Variants in NPIPA5 observed in about 807,000 individuals in gnomAD.
NPIPA5 encodes nuclear pore complex-interacting protein family member A5.
Under a neutral mutation model 21.4 loss-of-function variants are expected in NPIPA5, and 6 were observed. The observed-to-expected ratio is 0.28, with a 90% confidence interval of 0.15 to 0.55. NPIPA5 has a LOEUF of 0.55. NPIPA5 is among the 20% of genes least tolerant of loss of function. The pLI, the probability that NPIPA5 is intolerant of heterozygous loss-of-function variation, is 0.93. For synonymous variants in NPIPA5, 33 were observed against 115.3 expected (o/e 0.29, Z 4.57); for missense variants, 99 against 318.2 (o/e 0.31, Z 5.24).
chr16:15,380,491 T>A (rs2050413389), upstream of NPIPA5, among the ~76,000 whole-genome samples: 1 of 151,826 alleles, frequency 6.6e-6, no homozygotes, highest in African/African-American at 2.4e-5. Context: ...CCCGGCTAAT[T>A]TTTGTATTTT....
chr16:15,380,075 A>G (rs2050401855), upstream of NPIPA5, among the ~76,000 whole-genome samples: 2 of 151,776 alleles, frequency 1.3e-5, no homozygotes, highest in Non-Finnish European at 2.9e-5. Flanking sequence ...AGACAAGATA[A>G]TGTTCAACTT....
chr16:15,370,422 TCACA>T lies in NPIPA5; in HGVS notation c.193-307_193-304del, dbSNP rs576379543. Among the ~76,000 whole-genome samples, 329 of 118,442 alleles carry T rather than the reference TCACA, an allele frequency of 2.8e-3. 6 individuals are homozygous for T. The highest frequency in any genetic ancestry group is 3.4e-3 in the African/African-American group (112 of 33,424). 77.7% of individuals were successfully genotyped at this position (118,442 alleles called of 152,430 possible). On this transcript the variant is annotated intron_variant, in intron 2 of 7. Transcript: ENST00000360151. Reference sequence around the variant, plus strand: ...GCCTGAGTGACAGAATGAGACTCTGTCACACACACACACACACACACACACACAA... The same window carrying T: ...GCCTGAGTGACAGAATGAGACTCTGTCACACACACACACACACACACACAA...
chr16:15,375,309 G>A (rs1339765649), intron 1 of NPIPA5, among the ~76,000 whole-genome samples: 1 of 144,372 alleles, frequency 6.9e-6, no homozygotes, highest in African/African-American at 2.5e-5. Context: ...ATATCACATG[G>A]TAAAAGAATC....
upstream of NPIPA5, chr16:15,381,083 A>G: frequency 1.0e-5 from 16 of 1,538,514 alleles, no homozygotes; most frequent in Non-Finnish European, 1.4e-5. Flanking sequence ...GATGAGTGCC[A>G]ACCTATTAGA....
chr16:15,373,899 C>T (rs2050218264), intron 1 of NPIPA5, 56 bp from the exon 2 acceptor site: 1 of 71,584 alleles, frequency 1.4e-5, no homozygotes, highest in African/African-American at 7.7e-5. Context: ...CAATATTTCA[C>T]TCAGAAAGAA....
rs1450055609 is a variant in NPIPA5, at chr16:15,363,737, A to G, written c.975T>C (p.Asp325=). 2.1e-6 allele frequency: 3 copies of G among 1,423,458 alleles called. No homozygotes were observed. Among genetic ancestry groups the G allele is most frequent in the East Asian group, 3.6e-5 (1 of 28,132 alleles). 88.2% of individuals were successfully genotyped at this position (1,423,458 alleles called of 1,614,324 possible). A position where few individuals can be genotyped will look rare whatever the true frequency, so the allele number is the denominator to read the frequency against. The stretch of plus-strand genomic sequence containing the variant: ...ACTCGGGAGGTGTCTTGAGATTATC[A>G]TCCGCTGAGGGTGGAGCTGAGGGTG... ...PLPPSAPPSA[D]DNLKTPPECV... The change falls in exon 8 of 8, where the codon GAT becomes GAC. Residue 325 remains aspartate, a synonymous_variant. Transcript: ENST00000360151.
intron 1 of NPIPA5, among the ~76,000 whole-genome samples, chr16:15,375,495 G>A (rs1275150014): frequency 6.6e-6 from 1 of 151,554 alleles, no homozygotes; most frequent in Non-Finnish European, 1.5e-5. Flanking sequence ...TGCAATCCCA[G>A]CACTTTGGGA....
intron 4 of NPIPA5, 126 bp from the exon 5 acceptor site, chr16:15,366,886 A>G (rs1172517096): frequency 1.3e-6 from 2 of 1,513,544 alleles, no homozygotes; most frequent in East Asian, 4.9e-5. Context: ...GAACCAACTG[A>G]TTCTCACAAC....
At chr16:15,376,000 C>T (rs972579899) in intron 1 of NPIPA5, among the ~76,000 whole-genome samples, 16 of 150,976 alleles carry the variant, frequency 1.1e-4, no homozygotes, top group African/African-American at 3.9e-4. Context: ...AGCCCTTCAA[C>T]AGGTTGAACT....
upstream of NPIPA5, chr16:15,381,148 C>G (rs1351099821): frequency 7.5e-7 from 1 of 1,336,308 alleles, no homozygotes; most frequent in African/African-American, 1.5e-5. Flanking sequence ...ATGTTTGAGT[C>G]TATAGTGGTC....
intron 4 of NPIPA5, among the ~76,000 whole-genome samples, chr16:15,367,123 C>T (rs1359181537): frequency 7.2e-5 from 11 of 152,108 alleles, no homozygotes; most frequent in African/African-American, 2.7e-4. Flanking sequence ...GTGTGAAAAA[C>T]CAGACCTCAC....
In NPIPA5 at chr16:15,363,731, A is replaced by G. The variant is rs1307130903; in HGVS notation, c.981T>C (p.Asn327=). 7.1e-7 allele frequency: 1 copy of G among 1,411,510 alleles called. No individual in the cohort carries two copies. The highest frequency in any genetic ancestry group is 9.3e-7 in the Non-Finnish European group (1 of 1,071,644). 87.4% of individuals were successfully genotyped at this position (1,411,510 alleles called of 1,614,324 possible). A position where few individuals can be genotyped will look rare whatever the true frequency, so the allele number is the denominator to read the frequency against. ...AGACACACTCGGGAGGTGTCTTGAG[A>G]TTATCATCCGCTGAGGGTGGAGCTG... is the stretch of plus-strand genomic sequence containing the variant. ...PPSAPPSADD[N]LKTPPECVCS... The change falls in exon 8 of 8, where the codon AAT becomes AAC. Residue 327 remains asparagine, a synonymous_variant. Coordinates refer to ENST00000360151, the MANE Select transcript of NPIPA5 (RefSeq NM_001277325.2).
chr16:15,379,133 C>T (rs997425008), upstream of NPIPA5, among the ~76,000 whole-genome samples: 1 of 152,236 alleles, frequency 6.6e-6, no homozygotes, highest in African/African-American at 2.4e-5. Flanking sequence ...CCTCTGGCAG[C>T]TGAAAAGCAC....
chr16:15,376,952 C>T (rs573884504), intron 1 of NPIPA5, among the ~76,000 whole-genome samples: 17 of 152,146 alleles, frequency 1.1e-4, no homozygotes, highest in East Asian at 3.9e-4. Flanking sequence ...CCAGCCTGGG[C>T]GACAGAGTGA....
At chr16:15,364,143 TG>T in intron 7 of NPIPA5, 74 bp from the exon 8 acceptor site, 2 of 1,399,198 alleles carry the variant, frequency 1.4e-6, no homozygotes, top group Non-Finnish European at 1.9e-6. Flanking sequence ...CAACACAGTC[TG>T]CACCTTCTGT....
chr16:15,379,723 G>A (rs532691864), upstream of NPIPA5, among the ~76,000 whole-genome samples: 116 of 152,122 alleles, frequency 7.6e-4, 1 homozygote, highest in African/African-American at 2.6e-3. Context: ...TGAGGCAGGC[G>A]GATCACGAGG....
upstream of NPIPA5, chr16:15,381,047 T>C (rs1373908710): frequency 1.3e-6 from 2 of 1,526,098 alleles, no homozygotes; most frequent in African/African-American, 1.4e-5. Context: ...AGCTTCACCA[T>C]TTGCAGAATG....
chr16:15,377,777 G>A lies in NPIPA5; in HGVS notation c.63+455C>T, dbSNP rs1361856121. On this transcript the variant is annotated intron_variant, in intron 1 of 7. Coordinates refer to ENST00000360151, the MANE Select transcript of NPIPA5 (RefSeq NM_001277325.2). The stretch of plus-strand genomic sequence containing the variant: ...TCCGGTTCAAATTAAGTTCTCAAGC[G>A]CTGGTGGAAGGTTTAGCTACAGGTC... 2.7e-5 allele frequency among the ~76,000 whole-genome samples: 4 copies of A among 149,706 alleles called. 1 individual carries two copies. The highest frequency in any genetic ancestry group is 9.8e-5 in the African/African-American group (4 of 40,816).
intron 4 of NPIPA5, among the ~76,000 whole-genome samples, chr16:15,368,513 T>A (rs1001137791): frequency 6.6e-6 from 1 of 151,758 alleles, no homozygotes; most frequent in Non-Finnish European, 1.5e-5. Context: ...TACAATGTAA[T>A]ATGACCAAAA....
Sources: gnomAD v4.1 joint callset for allele counts (sites outside exome capture counted in the v4.1 genomes callset) on GRCh38, gnomAD v4.1.1 for gene constraint, MANE v1.5 for transcripts, NCBI Gene and HGNC (gene_info 2026-07-23, HGNC 2026-07-21) for gene names.